SPOCK1: variants seen among roughly 807,000 people sequenced by gnomAD.
SPOCK1 encodes SPARC (osteonectin), cwcv and kazal like domains proteoglycan 1, also known as testican-1.
In SPOCK1, 23 loss-of-function variants were observed where a neutral mutation model predicts 55.3. That is an observed-to-expected ratio of 0.42 (90% CI 0.30 to 0.59). The LOEUF is 0.59. SPOCK1 is among the 20% of genes least tolerant of loss of function. The pLI, the probability that SPOCK1 is intolerant of heterozygous loss-of-function variation, is 0.22. For synonymous variants in SPOCK1, 226 were observed against 221.0 expected, an observed-to-expected ratio of 1.02 and a Z score of -0.20; for missense variants, 499 against 552.5, an observed-to-expected ratio of 0.90 and a Z score of 0.97.
At chr5:137,493,176 T>A (rs1754223418) in intron 2 of SPOCK1, among the ~76,000 whole-genome samples, 1 of 152,092 alleles carries the variant, frequency 6.6e-6, no homozygotes, top group Non-Finnish European at 1.5e-5. Flanking sequence ...GTAAAATGAG[T>A]CATCCTGAAT....
intron 5 of SPOCK1, among the ~76,000 whole-genome samples, chr5:137,103,575 C>G (rs1753310965): frequency 6.6e-6 from 1 of 152,236 alleles, no homozygotes; most frequent in Non-Finnish European, 1.5e-5. Flanking sequence ...CATTGCCAGT[C>G]TGGAGGCTGC....
intron 2 of SPOCK1, among the ~76,000 whole-genome samples, chr5:137,381,188 C>A (rs958669461): frequency 6.6e-6 from 1 of 152,194 alleles, no homozygotes; most frequent in African/African-American, 2.4e-5. Context: ...CACATCCAGG[C>A]CACACTGATT....
intron 3 of SPOCK1, among the ~76,000 whole-genome samples, chr5:137,223,815 G>GA (rs143964118): frequency 0.02 from 2,993 of 150,276 alleles, 95 homozygotes; most frequent in African/African-American, 0.069. Context: ...AGGAACATCT[G>GA]AAAAAAAAAT....
At chr5:137,420,786 C>T (rs1399016393) in intron 2 of SPOCK1, among the ~76,000 whole-genome samples, 4 of 152,214 alleles carry the variant, frequency 2.6e-5, no homozygotes, top group East Asian at 1.9e-4. Context: ...TTTTTTGTGT[C>T]TCTATCTCCT....
chr5:137,464,972 A>T (rs1167248405), intron 2 of SPOCK1, among the ~76,000 whole-genome samples: 2 of 152,118 alleles, frequency 1.3e-5, no homozygotes, highest in Non-Finnish European at 2.9e-5. Context: ...AAAGAATATG[A>T]CTCAGACAAA....
At chr5:137,417,959 G>A (rs7725817) in intron 2 of SPOCK1, among the ~76,000 whole-genome samples, 4 of 151,794 alleles carry the variant, frequency 2.6e-5, no homozygotes, top group Admixed American at 1.3e-4. Context: ...CCCCCCTCCC[G>A]CTACCCTACA....
intron 2 of SPOCK1, among the ~76,000 whole-genome samples, chr5:137,360,603 T>G (rs1020580033): frequency 1.3e-5 from 2 of 152,252 alleles, no homozygotes; most frequent in Admixed American, 6.5e-5. Flanking sequence ...TCACTTTATT[T>G]CTAAAGGGCT....
At chr5:137,378,465 G>A (rs1398581120) in intron 2 of SPOCK1, among the ~76,000 whole-genome samples, 2 of 152,232 alleles carry the variant, frequency 1.3e-5, no homozygotes, top group Non-Finnish European at 2.9e-5. Context: ...CCACCTTGAA[G>A]GTTGAGCTAA....
At chr5:137,423,137 C>T (rs1752537715) in intron 2 of SPOCK1, among the ~76,000 whole-genome samples, 2 of 152,190 alleles carry the variant, frequency 1.3e-5, no homozygotes, top group Non-Finnish European at 2.9e-5. Context: ...CATGATTGTT[C>T]CTCTGGAAGT....
intron 3 of SPOCK1, among the ~76,000 whole-genome samples, chr5:137,258,364 T>C (rs1336752696): frequency 6.6e-6 from 1 of 152,212 alleles, no homozygotes; most frequent in Non-Finnish European, 1.5e-5. Flanking sequence ...AGTTAATTGC[T>C]ACACAGTACA....
chr5:137,490,475 G>T (rs977727961), intron 2 of SPOCK1, among the ~76,000 whole-genome samples: 1 of 152,072 alleles, frequency 6.6e-6, no homozygotes, highest in Admixed American at 6.6e-5. Context: ...TGAGAACGCC[G>T]CAGTAATACA....
At chr5:137,408,826 C>A (rs1752152735) in intron 2 of SPOCK1, among the ~76,000 whole-genome samples, 1 of 152,204 alleles carries the variant, frequency 6.6e-6, no homozygotes, top group African/African-American at 2.4e-5. Context: ...CCAGCTCCAC[C>A]ACTTACTAGC....
chr5:137,219,982 G>A (rs1395521917), intron 3 of SPOCK1, among the ~76,000 whole-genome samples: 1 of 152,110 alleles, frequency 6.6e-6, no homozygotes, highest in Non-Finnish European at 1.5e-5. Flanking sequence ...TCTAAGCCCT[G>A]GGCAACCCAT....
chr5:137,177,010 C>T (rs1197445460), intron 3 of SPOCK1, among the ~76,000 whole-genome samples: 1 of 152,064 alleles, frequency 6.6e-6, no homozygotes, highest in Non-Finnish European at 1.5e-5. Context: ...TCCTCCTCTG[C>T]CAGAAAAATT....
chr5:137,432,717 A>T (rs1408099146), intron 2 of SPOCK1, among the ~76,000 whole-genome samples: 1 of 152,266 alleles, frequency 6.6e-6, no homozygotes, highest in Non-Finnish European at 1.5e-5. Context: ...ACAGAAGTTC[A>T]CAGATTAAAA....
intron 2 of SPOCK1, among the ~76,000 whole-genome samples, chr5:137,433,558 C>G (rs1370202981): frequency 6.6e-6 from 1 of 152,204 alleles, no homozygotes; most frequent in Non-Finnish European, 1.5e-5. Flanking sequence ...GCTGCCAAAA[C>G]CACCTCTTTC....
chr5:137,163,736 G>T (rs1043252975), intron 3 of SPOCK1, among the ~76,000 whole-genome samples: 3 of 152,162 alleles, frequency 2.0e-5, no homozygotes, highest in Non-Finnish European at 4.4e-5. Flanking sequence ...GACCAGGCTA[G>T]ATCGCGCAAA....
At chr5:137,428,567 ACT>A (rs1752681851) in intron 2 of SPOCK1, among the ~76,000 whole-genome samples, 1 of 151,992 alleles carries the variant, frequency 6.6e-6, no homozygotes. Context: ...AAATTTGTAG[ACT>A]CTGTCTACTC....
chr5:137,328,885 G>A (rs568344032), intron 2 of SPOCK1, among the ~76,000 whole-genome samples: 4 of 152,250 alleles, frequency 2.6e-5, no homozygotes, highest in Admixed American at 6.5e-5. Context: ...ATTCTTTTGG[G>A]AATTGGAAAT....
Sources: allele counts gnomAD v4.1 joint callset (sites outside exome capture counted in the v4.1 genomes callset), GRCh38; gene constraint gnomAD v4.1.1; transcripts MANE v1.5; gene names NCBI Gene and HGNC (gene_info 2026-07-23, HGNC 2026-07-21).